Variants in USP9X observed in about 807,000 individuals in gnomAD.
USP9X encodes the protein ubiquitin carboxyl-terminal hydrolase 9X.
USP9X carries 7 observed loss-of-function variants against 190.3 expected under a neutral mutation model. That is an observed-to-expected ratio of 0.04 (90% confidence interval 0.02 to 0.07). The LOEUF is 0.07. Among genes scored for constraint, USP9X ranks in the 10% least tolerant of loss-of-function variants. The probability of loss-of-function intolerance (pLI) is 1.00; values close to 1 mark genes in which losing one functional copy is unlikely to be tolerated. For missense variants in USP9X, 1,010 were observed against 1,916.9 expected, an observed-to-expected ratio of 0.53 and a Z score of 8.83; for synonymous variants, 645 against 659.5, an observed-to-expected ratio of 0.98 and a Z score of 0.34.
intron 1 of USP9X, among the ~76,000 whole-genome samples, chrX:41,118,018 C>T (rs995713090): frequency 1.8e-5 from 2 of 111,212 alleles, no homozygotes; most frequent in Admixed American, 1.9e-4. Context: ...CCACCACGCC[C>T]AGCTAATTTT....
At chrX:41,153,116 TAGC>T (rs769735060) in intron 14 of USP9X, 35 bp downstream of exon 14, 3 of 1,151,726 alleles carry the variant, frequency 2.6e-6, no homozygotes, top group South Asian at 2.0e-5. Context: ...CTATGGGAAA[TAGC>T]AGGGACCTTT....
rs777091885 is a variant in USP9X at position 41,234,142 on chromosome X, G to A, written c.*1618G>A. ...TGATTCAGGATTTCAGTCACATCAA[G>A]TTTTTGTGCACAGAAAGATTTGACC... On this transcript the variant is annotated 3_prime_UTR_variant, in exon 45 of 45. Transcript: ENST00000378308. 3.7e-5 allele frequency: 4 copies of A among 108,520 alleles called. No homozygotes were observed. The highest frequency in any genetic ancestry group is 7.6e-5 in the Non-Finnish European group (4 of 52,414). 8.9% of individuals were successfully genotyped at this position (108,520 alleles called of 1,213,427 possible).
At chrX:41,201,714 T>C (rs951249038) in intron 31 of USP9X, among the ~76,000 whole-genome samples, 2 of 112,712 alleles carry the variant, frequency 1.8e-5, no homozygotes, top group East Asian at 2.8e-4. Context: ...CTCACACCTA[T>C]AATCTCAGCA....
rs1248820553 is a variant in USP9X at position 41,218,410 on chromosome X, A to G, written c.6248A>G (p.Asn2083Ser). ...ALCILLRHSK[N>S]VRFWFAHNVL... Reference sequence around the variant, plus strand: ...TGTATTCTCCTTCGTCACAGCAAGAATGTACGTTTTTGGTTTGCTCATAAC... The same window carrying G: ...TGTATTCTCCTTCGTCACAGCAAGAGTGTACGTTTTTGGTTTGCTCATAAC... The change falls in exon 37 of 45, where the codon AAT becomes AGT. Residue 2083 changes from asparagine (N) to serine (S), a missense_variant. Coordinates refer to ENST00000378308, the MANE Select transcript of USP9X (RefSeq NM_001039591.3). 8.3e-7 allele frequency: 1 copy of G among 1,211,806 alleles called. No individual in the cohort carries two copies. The highest frequency in any genetic ancestry group is 2.2e-5 in the Admixed American group (1 of 46,014).
intron 29 of USP9X, among the ~76,000 whole-genome samples, chrX:41,197,938 C>T (rs1044625365): frequency 1.2e-4 from 13 of 111,662 alleles, no homozygotes; most frequent in African/African-American, 3.9e-4. Flanking sequence ...CACCTGAGCC[C>T]AGGAGGTGGA....
intron 1 of USP9X, among the ~76,000 whole-genome samples, chrX:41,088,241 C>A (rs1188622428): frequency 8.9e-6 from 1 of 112,117 alleles, no homozygotes; most frequent in Non-Finnish European, 1.9e-5. Flanking sequence ...TGTCGACCTC[C>A]CAGTTCTCAT....
In USP9X at chrX:41,183,525, T is replaced by C. The variant is rs769303258; in HGVS notation, c.3149-473T>C. Among the ~76,000 whole-genome samples, 10 of 112,041 alleles carry C rather than the reference T, an allele frequency of 8.9e-5. No individual in the cohort carries two copies. The East Asian group carries it at 2.2e-3, about 25-fold the overall frequency. On this transcript the variant is annotated intron_variant, in intron 21 of 44. Coordinates refer to ENST00000378308, the MANE Select transcript of USP9X (RefSeq NM_001039591.3). Reference sequence around the variant, plus strand: ...TTTGAGGTGAATGTACATAGGCACTTACCCTTTTTCGATGTTTGCTTTTTA... The same window carrying C: ...TTTGAGGTGAATGTACATAGGCACTCACCCTTTTTCGATGTTTGCTTTTTA...
At chrX:41,187,602 A>AT (rs2062892805) in intron 24 of USP9X, among the ~76,000 whole-genome samples, 1 of 112,403 alleles carries the variant, frequency 8.9e-6, no homozygotes, top group Admixed American at 9.4e-5. Context: ...GTAAAATGTA[A>AT]TAGTAAAGAG....
rs1246105120 is a variant in USP9X at position 41,224,348 on chromosome X, C to T, written c.6752-394C>T. Among the ~76,000 whole-genome samples, 3 of 111,114 alleles carry T rather than the reference C, an allele frequency of 2.7e-5. 1 individual carries two copies. Among genetic ancestry groups the T allele is most frequent in the South Asian group, 7.5e-4 (2 of 2,677 alleles). ...AAAATGTTATTTCTCTAAAATAAAA[C>T]ATTTGGCCAGACATAGTGGCTCATG... On this transcript the variant is annotated intron_variant, in intron 39 of 44. Coordinates refer to ENST00000378308, the MANE Select transcript of USP9X (RefSeq NM_001039591.3).
chrX:41,144,777 C>T, intron 11 of USP9X, 151 bp downstream of exon 11: 1 of 439,904 alleles, frequency 2.3e-6, no homozygotes, highest in Non-Finnish European at 3.7e-6. Flanking sequence ...TTTTCTTTTC[C>T]AACAAGAACT....
intron 1 of USP9X, among the ~76,000 whole-genome samples, chrX:41,096,021 A>C (rs1326712886): frequency 1.8e-5 from 2 of 112,033 alleles, no homozygotes; most frequent in Non-Finnish European, 3.8e-5. Flanking sequence ...AAACACCTCT[A>C]TTGTCTTCCT....
chrX:41,123,001 G>A (rs1310277873), intron 1 of USP9X, among the ~76,000 whole-genome samples: 1 of 110,947 alleles, frequency 9.0e-6, no homozygotes, highest in Non-Finnish European at 1.9e-5. Context: ...ATATGGGCAC[G>A]GGATAGGGGT....
intron 26 of USP9X, among the ~76,000 whole-genome samples, chrX:41,192,077 T>C (rs1243811306): frequency 8.9e-6 from 1 of 111,860 alleles, no homozygotes; most frequent in African/African-American, 3.2e-5. Context: ...TTCCCACCTG[T>C]AGTGTTGTAC....
Position 41,189,429 on chromosome X carries a change from G to A in USP9X, c.3931G>A (p.Ala1311Thr). The change falls in exon 26 of 45, where the codon GCT (alanine) becomes ACT (threonine). Residue 1311 changes from alanine to threonine, a missense_variant. This residue lies in a region of USP9X where 351 missense variants were observed against 480.8 expected (regional missense o/e 0.73). Transcript: ENST00000378308. ...TALDALSKEK[A>T]WQTFIIDLLL... ...CTTAGATGCTCTTAGTAAAGAAAAG[G>A]CTTGGCAGACATTCATCATTGACTT... is the stretch of plus-strand genomic sequence containing the variant. The A allele has an allele frequency of 8.3e-7, 1 of 1,210,552 alleles. No individual in the cohort carries two copies. The highest frequency in any genetic ancestry group is 1.1e-6 in the Non-Finnish European group (1 of 894,697).
chrX:41,204,868 A>G (rs1275363116), intron 31 of USP9X, among the ~76,000 whole-genome samples: 8 of 111,986 alleles, frequency 7.1e-5, no homozygotes, highest in Admixed American at 9.5e-5. Flanking sequence ...GCAAAGAATG[A>G]CTATACTGAT....
chrX:41,158,884 G>C (rs758265874), intron 14 of USP9X, among the ~76,000 whole-genome samples: 1 of 111,877 alleles, frequency 8.9e-6, no homozygotes, highest in African/African-American at 3.2e-5. Flanking sequence ...GTCCAATCCA[G>C]CCTCTTTTCA....
chrX:41,186,663 TG>T, intron 24 of USP9X, 21 bp downstream of exon 24: 1 of 1,207,817 alleles, frequency 8.3e-7, no homozygotes, highest in East Asian at 3.0e-5. Context: ...TCAAGACTTC[TG>T]TCACAATTTT....
In USP9X at chrX:41,148,062, C is replaced by T. The variant is rs146539815; in HGVS notation, c.1420-307C>T. ...CTCACTAAATGCCATTAGTACCCTG[C>T]CCTTCCCCAAGCATGATAACCATGT... On this transcript the variant is annotated intron_variant, in intron 11 of 44. Coordinates refer to ENST00000378308, the MANE Select transcript of USP9X (RefSeq NM_001039591.3). Among the ~76,000 whole-genome samples the T allele has an allele frequency of 4.1e-3, 460 of 111,376 alleles. 1 individual carries two copies. The highest frequency in any genetic ancestry group is 6.8e-3 in the Non-Finnish European group (361 of 53,041).
chrX:41,186,476 A>T, intron 23 of USP9X, 41 bp from the exon 24 acceptor site: 5 of 1,203,544 alleles, frequency 4.2e-6, no homozygotes, highest in Non-Finnish European at 5.6e-6. Context: ...CTGGTTATGT[A>T]CAAATTATTT....
Sources: allele counts gnomAD v4.1 joint callset (sites outside exome capture counted in the v4.1 genomes callset), GRCh38; gene constraint gnomAD v4.1.1; regional missense constraint gnomAD v4.1.1; transcripts MANE v1.5; gene names NCBI Gene and HGNC (gene_info 2026-07-23, HGNC 2026-07-21).